DCC: variants seen among roughly 807,000 people sequenced by gnomAD.
DCC encodes DCC netrin 1 receptor.
DCC carries 58 observed loss-of-function variants against 172.5 expected under a neutral mutation model. The observed-to-expected ratio is 0.34, with a 90% confidence interval of 0.27 to 0.42. The LOEUF is 0.42. DCC is among the 10% of genes least tolerant of loss of function. The pLI is 1.00. For missense variants in DCC, 1,740 were observed against 1,791.0 expected (o/e 0.97, Z 0.51); for synonymous variants, 709 against 644.5 (o/e 1.10, Z -1.52).
At chr18:53,108,391 T>C (rs151160826) in intron 7 of DCC, among the ~76,000 whole-genome samples, 6 of 151,946 alleles carry the variant, frequency 3.9e-5, no homozygotes, top group African/African-American at 1.4e-4. Context: ...TCCACACATT[T>C]CTACAGCTAC....
intron 7 of DCC, among the ~76,000 whole-genome samples, chr18:53,122,183 T>G (rs941722270): frequency 6.6e-6 from 1 of 152,034 alleles, no homozygotes; most frequent in African/African-American, 2.4e-5. Context: ...AAGAGATTGC[T>G]TGAGAAACTG....
intron 5 of DCC, among the ~76,000 whole-genome samples, chr18:53,044,110 C>T (rs375361160): frequency 6.6e-6 from 1 of 151,960 alleles, no homozygotes; most frequent in Admixed American, 6.6e-5. Context: ...CCTTTGAGAA[C>T]AAGAAACATA....
chr18:52,888,485 A>G (rs2039600690), intron 2 of DCC, among the ~76,000 whole-genome samples: 1 of 152,184 alleles, frequency 6.6e-6, no homozygotes, highest in Non-Finnish European at 1.5e-5. Flanking sequence ...TTCAAGGTTT[A>G]TAAGACTATT....
chr18:53,481,634 A>G (rs866912375), intron 25 of DCC, among the ~76,000 whole-genome samples: 2 of 152,264 alleles, frequency 1.3e-5, no homozygotes, highest in Middle Eastern at 3.4e-3. Flanking sequence ...TCGACATACC[A>G]TTATCTTTGT....
chr18:53,220,368 G>T (rs143447475), intron 12 of DCC, among the ~76,000 whole-genome samples: 5 of 152,144 alleles, frequency 3.3e-5, no homozygotes, highest in African/African-American at 1.2e-4. Context: ...TCTAGTCAAC[G>T]TTCATTTCTC....
chr18:52,906,568 A>G (rs994693262), intron 3 of DCC, among the ~76,000 whole-genome samples: 1 of 145,820 alleles, frequency 6.9e-6, no homozygotes, highest in Non-Finnish European at 1.5e-5. Context: ...TCCTTTATTC[A>G]TTCACTTGTT....
chr18:53,299,783 C>T (rs2057111175), intron 12 of DCC, among the ~76,000 whole-genome samples: 1 of 152,142 alleles, frequency 6.6e-6, no homozygotes, highest in South Asian at 2.1e-4. Context: ...AGAATGTCCT[C>T]CTTTTGACTC....
At chr18:52,661,014 T>C (rs944668194) in intron 1 of DCC, among the ~76,000 whole-genome samples, 2 of 152,164 alleles carry the variant, frequency 1.3e-5, no homozygotes, top group African/African-American at 4.8e-5. Context: ...GGAGGAAATA[T>C]GGATAGGTTA....
chr18:52,564,373 G>A (rs966081910), intron 1 of DCC, among the ~76,000 whole-genome samples: 1 of 152,018 alleles, frequency 6.6e-6, no homozygotes, highest in Non-Finnish European at 1.5e-5. Context: ...TTAAATGTGT[G>A]GTCCTCTTGT....
chr18:53,461,883 T>TG (rs1209006778), intron 24 of DCC, among the ~76,000 whole-genome samples: 2 of 152,164 alleles, frequency 1.3e-5, no homozygotes, highest in Non-Finnish European at 2.9e-5. Flanking sequence ...CTCTAGGGAC[T>TG]GGGGGTCAGA....
chr18:53,204,628 C>T (rs1374357368), intron 9 of DCC, among the ~76,000 whole-genome samples: 1 of 151,494 alleles, frequency 6.6e-6, no homozygotes, highest in East Asian at 1.9e-4. Flanking sequence ...AGTTATTTAT[C>T]CTTCTTAAGT....
intron 2 of DCC, among the ~76,000 whole-genome samples, chr18:52,874,608 A>G (rs2039374646): frequency 1.3e-5 from 2 of 151,996 alleles, no homozygotes; most frequent in Non-Finnish European, 1.5e-5. Flanking sequence ...ATGGGTCTCT[A>G]TTGCTATCAC....
intron 2 of DCC, among the ~76,000 whole-genome samples, chr18:52,842,007 T>C (rs1280730919): frequency 0.035 from 52 of 1,472 alleles, no homozygotes; most frequent in East Asian, 0.33. Context: ...TTTTTGCGCA[T>C]ATATATATAT....
At chr18:53,150,706 T>C (rs112987761) in intron 7 of DCC, among the ~76,000 whole-genome samples, 4,316 of 152,154 alleles carry the variant, frequency 0.028, 204 homozygotes, top group African/African-American at 0.097. Flanking sequence ...AGCAAAGCAA[T>C]TGGAGGAAGG....
chr18:52,894,788 T>G (rs989890442), intron 2 of DCC, among the ~76,000 whole-genome samples: 2 of 152,178 alleles, frequency 1.3e-5, no homozygotes, highest in Non-Finnish European at 2.9e-5. Flanking sequence ...TCTTTTATTC[T>G]GCTTCTTGTT....
At position 52,408,125 on chromosome 18, in the gene DCC, T is replaced by A. The variant is rs189602712; in HGVS notation, c.91+67247T>A. On this transcript the variant is annotated intron_variant, in intron 1 of 28. Coordinates refer to ENST00000442544, the MANE Select transcript of DCC (RefSeq NM_005215.4). ...ATTCATCCAATAAGCCTATGAAAAG[T>A]CCAAAAACTTCTTGGGACTTACTAT... 4.4e-4 allele frequency among the ~76,000 whole-genome samples: 67 copies of A among 152,196 alleles called. No homozygotes were observed. In the East Asian group the frequency reaches 7.2e-3, roughly 16 times the overall value.
intron 3 of DCC, among the ~76,000 whole-genome samples, chr18:52,907,183 T>G (rs970123679): frequency 3.4e-5 from 5 of 148,832 alleles, no homozygotes; most frequent in African/African-American, 1.0e-4. Flanking sequence ...ATATACATGA[T>G]ATGTATTATA....
chr18:53,223,547 A>G (rs1243747331), intron 12 of DCC, among the ~76,000 whole-genome samples: 1 of 152,136 alleles, frequency 6.6e-6, no homozygotes, highest in Non-Finnish European at 1.5e-5. Flanking sequence ...AAATTAAATG[A>G]ACCTAGGTCT....
At chr18:53,148,456 C>T (rs1440207286) in intron 7 of DCC, among the ~76,000 whole-genome samples, 2 of 152,006 alleles carry the variant, frequency 1.3e-5, no homozygotes, top group African/African-American at 2.4e-5. Context: ...AATTCAATGA[C>T]ATAAACTCAA....
Sources: gnomAD v4.1 joint callset for allele counts (sites outside exome capture counted in the v4.1 genomes callset) on GRCh38, gnomAD v4.1.1 for gene constraint, MANE v1.5 for transcripts, NCBI Gene and HGNC (gene_info 2026-07-23, HGNC 2026-07-21) for gene names.